Variants in CAMK1D observed in about 807,000 individuals in gnomAD.
CAMK1D encodes calcium/calmodulin-dependent protein kinase type 1D.
In CAMK1D, 9 loss-of-function variants were observed where a neutral mutation model predicts 47.7. That is an observed-to-expected ratio of 0.19 (90% CI 0.11 to 0.33). The LOEUF is 0.33. CAMK1D is among the 10% of genes least tolerant of loss of function. The pLI is 1.00. For missense variants in CAMK1D, 291 were observed against 488.7 expected (o/e 0.60, Z 3.81); for synonymous variants, 184 against 184.9 (o/e 0.99, Z 0.04).
chr10:12,502,584 C>T (rs1223361684), intron 1 of CAMK1D, among the ~76,000 whole-genome samples: 2 of 152,234 alleles, frequency 1.3e-5, no homozygotes, highest in African/African-American at 4.8e-5. Flanking sequence ...CACACTGTCA[C>T]ACACACTTCA....
intron 2 of CAMK1D, among the ~76,000 whole-genome samples, chr10:12,598,137 A>T (rs749724606): frequency 2.0e-5 from 3 of 152,212 alleles, no homozygotes; most frequent in Non-Finnish European, 2.9e-5. Flanking sequence ...GAAAGAACTC[A>T]TTCATGCCTT....
At chr10:12,462,754 C>T (rs1026058861) in intron 1 of CAMK1D, among the ~76,000 whole-genome samples, 5 of 152,120 alleles carry the variant, frequency 3.3e-5, no homozygotes, top group Admixed American at 1.3e-4. Context: ...TGCAGTGGCA[C>T]GGTCATAGCC....
intron 1 of CAMK1D, among the ~76,000 whole-genome samples, chr10:12,512,908 A>C (rs938025030): frequency 6.6e-6 from 1 of 152,182 alleles, no homozygotes; most frequent in Non-Finnish European, 1.5e-5. Context: ...GATGGACCGG[A>C]GCGAGCATAC....
At chr10:12,454,728 G>T (rs1833191222) in intron 1 of CAMK1D, among the ~76,000 whole-genome samples, 4 of 152,192 alleles carry the variant, frequency 2.6e-5, no homozygotes, top group Admixed American at 1.3e-4. Context: ...CCCTAAAAGT[G>T]CTGGGATTAC....
Position 12,455,851 on chromosome 10 carries a change from G to C in CAMK1D, c.93-97374G>C, listed in dbSNP as rs547253760. Among the ~76,000 whole-genome samples, 88 of 152,278 alleles carry C rather than the reference G, an allele frequency of 5.8e-4. No homozygotes were observed. The Middle Eastern group carries it at 0.01, about 18-fold the overall frequency. Reference sequence around the variant, plus strand: ...CCAAATGATTTTAAAGTAAACTGAAGGTGTTATACAAAACCATATTAAACA... The same window carrying C: ...CCAAATGATTTTAAAGTAAACTGAACGTGTTATACAAAACCATATTAAACA... On this transcript the variant is annotated intron_variant, in intron 1 of 10. Transcript: ENST00000619168.
rs902426388 is a variant in CAMK1D, at chr10:12,834,077, C to T, written c.*5190C>T. 9 of 152,188 alleles carry T rather than the reference C, an allele frequency of 5.9e-5. No individual in the cohort carries two copies. The highest frequency in any genetic ancestry group is 3.9e-4 in the Admixed American group (6 of 15,270). The allele number at this position is 152,188 out of a possible 1,614,324, so 9.4% of individuals were successfully genotyped here. A position where few individuals can be genotyped will look rare whatever the true frequency, so the allele number is the denominator to read the frequency against. ...AATTGAAAATGTGGAGATAGAAAAG[C>T]TCAAACAGACTCCTAAAAGGAGGGT... On this transcript the variant is annotated 3_prime_UTR_variant, in exon 11 of 11. Coordinates refer to ENST00000619168, the MANE Select transcript of CAMK1D (RefSeq NM_153498.4).
rs182704965 is a variant in CAMK1D at position 12,692,212 on chromosome 10, C to T, written c.299+25402C>T. Among the ~76,000 whole-genome samples the T allele has an allele frequency of 5.9e-5, 9 of 152,312 alleles. No homozygotes were observed. In the East Asian group the frequency reaches 1.7e-3, roughly 29 times the overall value. ...AGTTGATTTCAGCTGCAAAATTAGC[C>T]TATTGAATAATCTGGTCATAGAATG... is the stretch of plus-strand genomic sequence containing the variant. On this transcript the variant is annotated intron_variant, in intron 3 of 10. Coordinates refer to ENST00000619168, the MANE Select transcript of CAMK1D (RefSeq NM_153498.4).
rs1833438992 is a variant in CAMK1D, at chr10:12,832,676, T to C, written c.*3789T>C. ...GCGTTCTTGACCATGGCCACAATTC[T>C]GGTCACTTCTAGCATCTGACCTTGA... On this transcript the variant is annotated 3_prime_UTR_variant, in exon 11 of 11. Transcript: ENST00000619168. 1 of 152,216 alleles carries C rather than the reference T, an allele frequency of 6.6e-6. No individual in the cohort carries two copies. The highest frequency in any genetic ancestry group is 2.4e-5 in the African/African-American group (1 of 41,466). 9.4% of individuals were successfully genotyped at this position (152,216 alleles called of 1,614,324 possible).
At chr10:12,547,639 A>ACCCCCC (rs11393244) in intron 1 of CAMK1D, among the ~76,000 whole-genome samples, 10 of 109,252 alleles carry the variant, frequency 9.2e-5, no homozygotes, top group South Asian at 6.8e-4. Context: ...TCACGAGGAC[A>ACCCCCC]CCCCCCCCCC....
intron 2 of CAMK1D, among the ~76,000 whole-genome samples, chr10:12,558,150 T>G (rs1186750983): frequency 6.6e-6 from 1 of 152,204 alleles, no homozygotes; most frequent in Admixed American, 6.5e-5. Flanking sequence ...CAACAGAGTA[T>G]TTTATGCGGT....
At chr10:12,444,395 T>G (rs916462248) in intron 1 of CAMK1D, among the ~76,000 whole-genome samples, 1 of 152,186 alleles carries the variant, frequency 6.6e-6, no homozygotes, top group Non-Finnish European at 1.5e-5. Context: ...TATATGCTGA[T>G]GTCGATGAAA....
intron 1 of CAMK1D, among the ~76,000 whole-genome samples, chr10:12,548,823 G>T (rs1021259805): frequency 3.3e-5 from 5 of 151,736 alleles, no homozygotes; most frequent in Non-Finnish European, 7.4e-5. Context: ...ACATTGTTGT[G>T]CAACCATCAA....
rs147287783 is a variant in CAMK1D, at chr10:12,689,874, A to T, written c.299+23064A>T. 4.7e-3 allele frequency among the ~76,000 whole-genome samples: 716 copies of T among 152,162 alleles called. 5 individuals are homozygous for T. The highest frequency in any genetic ancestry group is 0.017 in the African/African-American group (694 of 41,532). ...ATTAAGTGGGGGGAAAATGAGGTCT[A>T]TGTTGGGTGAATTCATTTTTATGGT... On this transcript the variant is annotated intron_variant, in intron 3 of 10. Coordinates refer to ENST00000619168, the MANE Select transcript of CAMK1D (RefSeq NM_153498.4).
At chr10:12,565,867 G>A (rs1837108066) in intron 2 of CAMK1D, among the ~76,000 whole-genome samples, 1 of 151,890 alleles carries the variant, frequency 6.6e-6, no homozygotes, top group East Asian at 1.9e-4. Context: ...GTGAAGAAAG[G>A]GGCCGCTTCT....
intron 5 of CAMK1D, among the ~76,000 whole-genome samples, chr10:12,785,978 A>G (rs757151861): frequency 6.6e-6 from 1 of 152,204 alleles, no homozygotes; most frequent in Non-Finnish European, 1.5e-5. Flanking sequence ...TGGCCACCAT[A>G]TCAAATTATC....
chr10:12,812,982 T>G (rs1437399729), intron 6 of CAMK1D, among the ~76,000 whole-genome samples: 1 of 152,196 alleles, frequency 6.6e-6, no homozygotes, highest in East Asian at 1.9e-4. Context: ...AAAGTAGCAT[T>G]GAAACTGATT....
chr10:12,669,360 G>T (rs767574124), intron 3 of CAMK1D, among the ~76,000 whole-genome samples: 2 of 152,030 alleles, frequency 1.3e-5, no homozygotes, highest in Admixed American at 1.3e-4. Flanking sequence ...GAGATTTGTC[G>T]AGCAAATTAA....
chr10:12,399,983 G>T (rs1839114505), intron 1 of CAMK1D, among the ~76,000 whole-genome samples: 1 of 152,084 alleles, frequency 6.6e-6, no homozygotes, highest in South Asian at 2.1e-4. Context: ...GACTAGAGAG[G>T]CCTGTAGGAA....
chr10:12,787,518 G>T (rs1277115173), intron 5 of CAMK1D, among the ~76,000 whole-genome samples: 2 of 152,224 alleles, frequency 1.3e-5, no homozygotes, highest in Non-Finnish European at 2.9e-5. Flanking sequence ...CAGGAAGCCT[G>T]CTCTGCGGTG....
Sources: gnomAD v4.1 joint callset for allele counts (sites outside exome capture counted in the v4.1 genomes callset) on GRCh38, gnomAD v4.1.1 for gene constraint, MANE v1.5 for transcripts, NCBI Gene and HGNC (gene_info 2026-07-23, HGNC 2026-07-21) for gene names.